Variants in SLC18A1 observed in about 807,000 individuals in gnomAD.
SLC18A1 encodes the protein chromaffin granule amine transporter.
In SLC18A1, 69 loss-of-function variants were observed where a neutral mutation model predicts 53.7. The ratio of observed to expected loss-of-function variants is 1.28; its 90% CI spans 1.06 to 1.57. SLC18A1 has a LOEUF of 1.57. Ranked by LOEUF, SLC18A1 falls within the 40% of genes most tolerant of loss-of-function variation. The probability of loss-of-function intolerance (pLI) is 0.00; values close to 1 mark genes in which losing one functional copy is unlikely to be tolerated. For synonymous variants in SLC18A1, 320 were observed against 248.1 expected, an observed-to-expected ratio of 1.29 and a Z score of -2.72; for missense variants, 932 against 668.1, an observed-to-expected ratio of 1.40 and a Z score of -4.35.
At chr8:20,164,989 C>T (rs772938210) in intron 9 of SLC18A1, 25 bp from the exon 10 acceptor site, 3 of 1,613,736 alleles carry the variant, frequency 1.9e-6, no homozygotes, top group Non-Finnish European at 2.5e-6. Flanking sequence ...CTGTGAGCAG[C>T]CGTGGCTGCT....
At chr8:20,162,010 G>A (rs910941344) in intron 10 of SLC18A1, among the ~76,000 whole-genome samples, 25 of 152,138 alleles carry the variant, frequency 1.6e-4, no homozygotes, top group African/African-American at 3.9e-4. Flanking sequence ...TGCATTCTGC[G>A]CACGTGCAAA....
intron 12 of SLC18A1, 143 bp from the exon 13 acceptor site, chr8:20,148,213 C>T: frequency 1.4e-6 from 1 of 740,510 alleles, no homozygotes; most frequent in South Asian, 1.8e-5. Context: ...CAGACTTTCT[C>T]ATGGAAAAGA....
chr8:20,181,741 A>G (rs1486869665), intron 1 of SLC18A1: 1 of 152,130 alleles, frequency 6.6e-6, no homozygotes, highest in Non-Finnish European at 1.5e-5. Context: ...ACACTGATGT[A>G]GACCAACCTT....
chr8:20,159,093 G>T (rs36088196), intron 10 of SLC18A1, among the ~76,000 whole-genome samples: 1 of 151,928 alleles, frequency 6.6e-6, no homozygotes, highest in Non-Finnish European at 1.5e-5. Context: ...TTCAAATGGA[G>T]CCCCAGATGC....
intron 10 of SLC18A1, among the ~76,000 whole-genome samples, chr8:20,163,286 T>A: frequency 6.6e-6 from 1 of 152,204 alleles, no homozygotes; most frequent in Non-Finnish European, 1.5e-5. Flanking sequence ...TCCCATGATC[T>A]CATCATCTCT....
chr8:20,157,050 G>A (rs375581187), intron 10 of SLC18A1, among the ~76,000 whole-genome samples: 34 of 152,076 alleles, frequency 2.2e-4, no homozygotes, highest in South Asian at 1.0e-3. Flanking sequence ...CTGCTACATC[G>A]GTGAGCGTAA....
chr8:20,164,650 G>A (rs1405914490), intron 10 of SLC18A1, among the ~76,000 whole-genome samples: 9 of 152,146 alleles, frequency 5.9e-5, no homozygotes, highest in Admixed American at 5.9e-4. Flanking sequence ...AGCTAGGTAT[G>A]TGACCTCTCC....
At chr8:20,164,842 C>G (rs371723932) in intron 10 of SLC18A1, 27 bp downstream of exon 10, 40 of 1,566,714 alleles carry the variant, frequency 2.6e-5, no homozygotes, top group African/African-American at 4.1e-5. Flanking sequence ...CTGCCAGGCC[C>G]TGAGCGGGGG....
intron 10 of SLC18A1, among the ~76,000 whole-genome samples, chr8:20,158,035 G>C (rs1054032920): frequency 6.6e-6 from 1 of 152,202 alleles, no homozygotes; most frequent in Non-Finnish European, 1.5e-5. Flanking sequence ...GGGGACGAAG[G>C]TCCTCTGAGT....
chr8:20,146,342 C>T (rs1046052140), intron 15 of SLC18A1, among the ~76,000 whole-genome samples: 2 of 152,176 alleles, frequency 1.3e-5, no homozygotes, highest in African/African-American at 4.8e-5. Flanking sequence ...ACCAGCCTCC[C>T]GGGGTACCTA....
At chr8:20,150,597 C>T (rs2071526540) in intron 11 of SLC18A1, 69 bp downstream of exon 11, 1 of 1,346,568 alleles carries the variant, frequency 7.4e-7, no homozygotes, top group Admixed American at 1.7e-5. Flanking sequence ...TTCATCATTC[C>T]AAGATCAGGA....
rs117489240 is a variant in SLC18A1 at position 20,158,205 on chromosome 8, C to T, written c.1015+6664G>A. On this transcript the variant is annotated intron_variant, in intron 10 of 15. Transcript: ENST00000276373. ...CTGGTGCAGCCTTCTCAGTCTTACT[C>T]TCCTGTCCCTGACAACTGTCCTCCA... Among the ~76,000 whole-genome samples, 28 of 152,310 alleles carry T rather than the reference C, an allele frequency of 1.8e-4. No homozygotes were observed. In the East Asian group the frequency reaches 4.8e-3, roughly 26 times the overall value.
chr8:20,179,603 G>A (rs368192632), intron 2 of SLC18A1, 119 bp from the exon 3 acceptor site: 12 of 1,328,176 alleles, frequency 9.0e-6, no homozygotes, highest in East Asian at 4.6e-5. Context: ...CAGGTGATGG[G>A]GGCTAAGGAC....
intron 10 of SLC18A1, among the ~76,000 whole-genome samples, chr8:20,157,035 C>G (rs571324177): frequency 6.6e-6 from 1 of 152,120 alleles, no homozygotes; most frequent in African/African-American, 2.4e-5. Context: ...AAAACAGGTG[C>G]AGGACTGCTA....
chr8:20,171,572 T>C, intron 6 of SLC18A1, 78 bp from the exon 7 acceptor site: 1 of 1,193,250 alleles, frequency 8.4e-7, no homozygotes, highest in South Asian at 1.2e-5. Flanking sequence ...ATTTACCCCG[T>C]GAGCATTTGC....
intron 8 of SLC18A1, among the ~76,000 whole-genome samples, chr8:20,169,031 T>A (rs1359969356): frequency 2.0e-5 from 3 of 152,116 alleles, no homozygotes; most frequent in Non-Finnish European, 2.9e-5. Context: ...ATATATTAGT[T>A]ACAAGGTGAA....
chr8:20,182,252 C>T (rs2072448190), intron 1 of SLC18A1, among the ~76,000 whole-genome samples: 1 of 152,128 alleles, frequency 6.6e-6, no homozygotes, highest in African/African-American at 2.4e-5. Flanking sequence ...CAGCCAAAGA[C>T]TTATACTCAA....
In SLC18A1 at chr8:20,174,360, C is replaced by A. The variant is rs764978042; in HGVS notation, c.631+1G>T. On this transcript the variant is annotated splice_donor_variant, in intron 5 of 15. Coordinates refer to ENST00000276373, the MANE Select transcript of SLC18A1 (RefSeq NM_003053.4). LOFTEE classifies it high-confidence loss of function. The stretch of plus-strand genomic sequence containing the variant: ...TGTGCATGATGAGTTGCCAGTGTTA[C>A]CTGCAACAGATGAAAATGAAGATCC... 6.2e-7 allele frequency: 1 copy of A among 1,610,730 alleles called. No individual in the cohort carries two copies. The highest frequency in any genetic ancestry group is 1.3e-5 in the African/African-American group (1 of 74,814).
At chr8:20,156,893 A>G (rs1366928933) in intron 10 of SLC18A1, among the ~76,000 whole-genome samples, 6 of 152,188 alleles carry the variant, frequency 3.9e-5, no homozygotes, top group Non-Finnish European at 7.3e-5. Context: ...ATGCATCTTG[A>G]TGGGGCAACT....
Sources: allele counts gnomAD v4.1 joint callset (sites outside exome capture counted in the v4.1 genomes callset), GRCh38; gene constraint gnomAD v4.1.1; transcripts MANE v1.5; gene names NCBI Gene and HGNC (gene_info 2026-07-23, HGNC 2026-07-21).